The following TESPA1 variants were observed in gnomAD, a reference collection of about 807,000 sequenced individuals.
The protein encoded by TESPA1 is protein TESPA1.
Under a neutral mutation model 57.9 loss-of-function variants are expected in TESPA1, and 33 were observed. The observed-to-expected ratio is 0.57, with a 90% confidence interval of 0.43 to 0.76. TESPA1 has a LOEUF of 0.76. TESPA1 is among the 30% of genes least tolerant of loss of function. The probability of loss-of-function intolerance (pLI) is 0.00; values close to 1 mark genes in which losing one functional copy is unlikely to be tolerated. For synonymous variants in TESPA1, 227 were observed against 228.9 expected, an observed-to-expected ratio of 0.99 and a Z score of 0.07; for missense variants, 618 against 632.9, an observed-to-expected ratio of 0.98 and a Z score of 0.25.
At chr12:54,952,304 C>T (rs1166049243) in intron 10 of TESPA1, among the ~76,000 whole-genome samples, 4 of 152,190 alleles carry the variant, frequency 2.6e-5, no homozygotes, top group East Asian at 3.8e-4. Flanking sequence ...AAGTAAAATA[C>T]CTAGTTTGTA....
rs34381094 is a variant in TESPA1, at chr12:54,975,208, G to GA, written c.-45-602dup. The stretch of plus-strand genomic sequence containing the variant: ...AGGAGTCCACATATGATTTCTCTCA[G>GA]AAAAAAAAAAATACCCTGTGATTAA... On this transcript the variant is annotated intron_variant, in intron 1 of 10. Coordinates refer to ENST00000449076, the MANE Select transcript of TESPA1 (RefSeq NM_001136030.3). Among the ~76,000 whole-genome samples, 1,153 of 144,668 alleles carry GA rather than the reference G, an allele frequency of 8.0e-3. 13 individuals carry two copies. The highest frequency in any genetic ancestry group is 0.027 in the African/African-American group (1,051 of 39,558). 94.9% of individuals were successfully genotyped at this position (144,668 alleles called of 152,430 possible).
chr12:54,958,107 A>G (rs193189672), intron 10 of TESPA1, among the ~76,000 whole-genome samples: 40 of 152,342 alleles, frequency 2.6e-4, no homozygotes, highest in African/African-American at 8.9e-4. Context: ...TGACCTTTAG[A>G]CAAAGTTGGG....
At position 54,966,058 on chromosome 12, in the gene TESPA1, A is replaced by G. The variant is rs1409375541; in HGVS notation, c.441T>C (p.Ser147=). Residue 147 remains serine, a synonymous_variant, in exon 7 of 11, where the codon AGT becomes AGC. Transcript: ENST00000449076. The part of the protein sequence containing the change: ...SSMTGGTNKT[S]SSISEILDKV... ...TGCCAAACTTCAGTACCTACCTTGA[A>G]CTAGTCTTGTTGGTCCCCCCAGTCA... 2 of 1,570,406 alleles carry G rather than the reference A, an allele frequency of 1.3e-6. No individual in the cohort carries two copies. The highest frequency in any genetic ancestry group is 1.7e-6 in the Non-Finnish European group (2 of 1,156,642).
intron 2 of TESPA1, chr12:54,973,797 C>T: frequency 8.2e-7 from 1 of 1,217,858 alleles, no homozygotes; most frequent in Non-Finnish European, 1.0e-6. Flanking sequence ...TCCTTTCCCA[C>T]AAGGGTGGAT....
chr12:54,973,611 A>G (rs1951982402), intron 2 of TESPA1, 92 bp from the exon 3 acceptor site: 1 of 1,602,266 alleles, frequency 6.2e-7, no homozygotes, highest in Non-Finnish European at 8.5e-7. Flanking sequence ...TTATTCTTAC[A>G]TAAGCTGCGT....
intron 10 of TESPA1, among the ~76,000 whole-genome samples, chr12:54,953,642 C>T (rs1412074788): frequency 6.6e-6 from 1 of 151,888 alleles, no homozygotes; most frequent in Non-Finnish European, 1.5e-5. Flanking sequence ...CTCAAGCCTC[C>T]CGAGTAGCTG....
At chr12:54,952,702 G>A (rs944647632) in intron 10 of TESPA1, among the ~76,000 whole-genome samples, 1 of 152,200 alleles carries the variant, frequency 6.6e-6, no homozygotes, top group Non-Finnish European at 1.5e-5. Context: ...ACCAGGTCAA[G>A]CATATTGCTG....
chr12:54,963,390 C>G, intron 8 of TESPA1, 148 bp from the exon 9 acceptor site: 2 of 874,868 alleles, frequency 2.3e-6, no homozygotes, highest in South Asian at 1.9e-5. Context: ...ATTTCTAACA[C>G]TCTTTTTCTG....
At chr12:54,969,062 G>GATAT (rs1951655108) in intron 3 of TESPA1, among the ~76,000 whole-genome samples, 1 of 110,388 alleles carries the variant, frequency 9.1e-6, no homozygotes, top group African/African-American at 3.6e-5. Flanking sequence ...TGTGTAGATA[G>GATAT]ATAGATATAG....
intron 10 of TESPA1, among the ~76,000 whole-genome samples, chr12:54,951,607 C>G (rs1321438066): frequency 6.6e-6 from 1 of 151,396 alleles, no homozygotes; most frequent in African/African-American, 2.5e-5. Flanking sequence ...TATTTTAAAG[C>G]CTTGTCACCC....
chr12:54,955,462 G>C (rs199924160), intron 10 of TESPA1, among the ~76,000 whole-genome samples: 1 of 100,620 alleles, frequency 9.9e-6, no homozygotes, highest in East Asian at 6.2e-3. Flanking sequence ...AAAATATGAG[G>C]TTTATTTTTT....
rs762122923 is a variant in TESPA1 at position 54,969,575 on chromosome 12, C to T, written c.207-1683G>A. ...ACCAAAAAATGGAAGCCTCCAAATC[C>T]CTATTTATTATAAAATTAAACAATT... is the stretch of plus-strand genomic sequence containing the variant. On this transcript the variant is annotated intron_variant, in intron 3 of 10. Transcript: ENST00000449076. Among the ~76,000 whole-genome samples, 11 of 152,150 alleles carry T rather than the reference C, an allele frequency of 7.2e-5. No homozygotes were observed. The Middle Eastern group carries it at 0.01, about 141-fold the overall frequency.
At position 54,962,767 on chromosome 12, in the gene TESPA1, TGCTA is replaced by T; in HGVS notation, c.1127_1130del (p.Leu376HisfsTer21). On this transcript the variant is annotated frameshift_variant, in exon 9 of 11. Transcript: ENST00000449076. LOFTEE classifies it high-confidence loss of function. ...GGTTCGAATCCAGAGTTTGGGATGG[TGCTA>T]GCACTGTGGACATCCTCTGCTGTGT... is the stretch of plus-strand genomic sequence containing the variant. The T allele has an allele frequency of 6.2e-7, 1 of 1,613,830 alleles. No individual in the cohort carries two copies. Among genetic ancestry groups the T allele is most frequent in the Non-Finnish European group, 8.5e-7 (1 of 1,179,870 alleles).
chr12:54,958,066 C>T (rs757699445), intron 10 of TESPA1, among the ~76,000 whole-genome samples: 15 of 152,182 alleles, frequency 9.9e-5, no homozygotes, highest in Non-Finnish European at 1.9e-4. Flanking sequence ...TACTTTCTCC[C>T]TAGCAATTCA....
chr12:54,950,176 G>A lies in TESPA1; in HGVS notation c.*216C>T, dbSNP rs756923658. 1 of 441,714 alleles carries A rather than the reference G, an allele frequency of 2.3e-6. No homozygotes were observed. Among genetic ancestry groups the A allele is most frequent in the South Asian group, 1.6e-5 (1 of 62,660 alleles). 27.4% of individuals were successfully genotyped at this position (441,714 alleles called of 1,614,324 possible). A position where few individuals can be genotyped will look rare whatever the true frequency, so the allele number is the denominator to read the frequency against. On this transcript the variant is annotated 3_prime_UTR_variant, in exon 11 of 11. Coordinates refer to ENST00000449076, the MANE Select transcript of TESPA1 (RefSeq NM_001136030.3). Reference sequence around the variant, plus strand: ...CCTAAGGTCTTTGTGCATGCAGCTTGTGGCAGCATTAGGATGTGGATTCCA... The same window carrying A: ...CCTAAGGTCTTTGTGCATGCAGCTTATGGCAGCATTAGGATGTGGATTCCA...
chr12:54,976,739 A>G (rs1952153089), intron 1 of TESPA1, among the ~76,000 whole-genome samples: 1 of 152,150 alleles, frequency 6.6e-6, no homozygotes, highest in Non-Finnish European at 1.5e-5. Flanking sequence ...AAGCCCCTAT[A>G]CTGCCTAGCA....
chr12:54,977,140 C>T (rs944104072), intron 1 of TESPA1, among the ~76,000 whole-genome samples: 2 of 152,044 alleles, frequency 1.3e-5, no homozygotes, highest in African/African-American at 4.8e-5. Flanking sequence ...ATTGTTTACT[C>T]TTCTGATTAG....
rs1254928045 is a variant in TESPA1, at chr12:54,974,399, C to T, written c.163+1G>A. 4 of 1,600,502 alleles carry T rather than the reference C, an allele frequency of 2.5e-6. No individual in the cohort carries two copies. The South Asian group carries it at 4.5e-5, about 18-fold the overall frequency. On this transcript the variant is annotated splice_donor_variant, in intron 2 of 10. Coordinates refer to ENST00000449076, the MANE Select transcript of TESPA1 (RefSeq NM_001136030.3). LOFTEE classifies it high-confidence loss of function. ...ACGCCTGTCTGATGTTCGTCTCTTA[C>T]CTTCTTGGAAAACGTCATCCAGGCT...
intron 7 of TESPA1, among the ~76,000 whole-genome samples, chr12:54,964,564 T>G (rs1951299612): frequency 6.6e-6 from 1 of 152,242 alleles, no homozygotes; most frequent in Admixed American, 6.5e-5. Context: ...TATGTCTAAA[T>G]CGGAGTTCCA....
Sources: gnomAD v4.1 joint callset for allele counts (sites outside exome capture counted in the v4.1 genomes callset) on GRCh38, gnomAD v4.1.1 for gene constraint, MANE v1.5 for transcripts, NCBI Gene and HGNC (gene_info 2026-07-23, HGNC 2026-07-21) for gene names.